Variants in PDE7B observed in about 807,000 individuals in gnomAD.
PDE7B encodes 3',5'-cyclic-AMP phosphodiesterase 7B.
Under a neutral mutation model 56.2 loss-of-function variants are expected in PDE7B, and 29 were observed. That is an observed-to-expected ratio of 0.52 (90% confidence interval 0.38 to 0.70). PDE7B has a LOEUF of 0.70. Among genes scored for constraint, PDE7B ranks in the 30% least tolerant of loss-of-function variants. PDE7B has a pLI of 0.00. For synonymous variants in PDE7B, 197 were observed against 196.9 expected (o/e 1.00, Z 0.00); for missense variants, 490 against 565.0 (o/e 0.87, Z 1.35).
At chr6:135,913,033 G>T (rs544806921) in intron 1 of PDE7B, among the ~76,000 whole-genome samples, 5 of 152,134 alleles carry the variant, frequency 3.3e-5, no homozygotes, top group African/African-American at 4.8e-5. Flanking sequence ...CATGTCTTCT[G>T]ACTCTAAATC....
intron 1 of PDE7B, among the ~76,000 whole-genome samples, chr6:135,871,606 A>G (rs1041104036): frequency 2.0e-5 from 3 of 152,210 alleles, no homozygotes; most frequent in Non-Finnish European, 2.9e-5. Context: ...TTGAATTGAG[A>G]AAAAGAATTC....
chr6:135,988,939 T>C (rs1186278689), intron 2 of PDE7B, among the ~76,000 whole-genome samples: 1 of 152,246 alleles, frequency 6.6e-6, no homozygotes, highest in Non-Finnish European at 1.5e-5. Flanking sequence ...TCGATCTGTC[T>C]GTTAATTATC....
At chr6:135,988,413 C>T (rs1562461566) in intron 2 of PDE7B, among the ~76,000 whole-genome samples, 2 of 152,100 alleles carry the variant, frequency 1.3e-5, no homozygotes, top group Non-Finnish European at 2.9e-5. Flanking sequence ...CTTTCAGAGA[C>T]ATTCTAATGG....
intron 2 of PDE7B, among the ~76,000 whole-genome samples, chr6:136,041,266 C>T (rs1362053190): frequency 6.6e-6 from 1 of 152,080 alleles, no homozygotes; most frequent in African/African-American, 2.4e-5. Flanking sequence ...AAGACTGGAA[C>T]TTTGTTTCTC....
intron 1 of PDE7B, among the ~76,000 whole-genome samples, chr6:135,931,355 T>G (rs1412867759): frequency 6.6e-6 from 1 of 152,196 alleles, no homozygotes; most frequent in African/African-American, 2.4e-5. Context: ...ATGATCTGTT[T>G]GTATAGATGA....
intron 9 of PDE7B, among the ~76,000 whole-genome samples, chr6:136,174,651 A>G (rs1359938118): frequency 6.6e-5 from 10 of 152,140 alleles, no homozygotes; most frequent in African/African-American, 1.9e-4. Context: ...TCTTCAAGAC[A>G]AGCACATAAC....
chr6:136,148,021 T>C (rs1459313027), intron 4 of PDE7B, among the ~76,000 whole-genome samples: 1 of 152,172 alleles, frequency 6.6e-6, no homozygotes, highest in Non-Finnish European at 1.5e-5. Flanking sequence ...TTGATCTGAC[T>C]GAGGGTGGAA....
intron 2 of PDE7B, among the ~76,000 whole-genome samples, chr6:135,965,841 G>A (rs1774988452): frequency 6.6e-6 from 1 of 152,138 alleles, no homozygotes; most frequent in Non-Finnish European, 1.5e-5. Flanking sequence ...CAGAATTGAG[G>A]AGTCCTCATG....
chr6:136,144,002 A>G (rs915501867), intron 3 of PDE7B, among the ~76,000 whole-genome samples: 20 of 151,960 alleles, frequency 1.3e-4, no homozygotes, highest in Non-Finnish European at 2.9e-5. Flanking sequence ...GTATTTTGAG[A>G]TGGGGGAATT....
At chr6:136,042,389 T>C (rs1358213146) in intron 2 of PDE7B, among the ~76,000 whole-genome samples, 1 of 152,250 alleles carries the variant, frequency 6.6e-6, no homozygotes, top group African/African-American at 2.4e-5. Context: ...AATAATTAGA[T>C]TTTGGAATTC....
chr6:136,109,990 G>T (rs1406239076), intron 3 of PDE7B, among the ~76,000 whole-genome samples: 2 of 152,056 alleles, frequency 1.3e-5, no homozygotes, highest in African/African-American at 2.4e-5. Flanking sequence ...TTCAACCCCT[G>T]GAAATTACTA....
rs759825113 is a variant in PDE7B, at chr6:136,106,452, G to GAAGT, written c.83-2278_83-2275dup. ...GTATTGTAGAAAGAGCTCTTCCTATGAAGTCTAACAGCCTAGATTTAAGTG... is the reference window on the plus strand; with the variant it reads ...GTATTGTAGAAAGAGCTCTTCCTATGAAGTAAGTCTAACAGCCTAGATTTAAGTG... On this transcript the variant is annotated intron_variant, in intron 2 of 12. Transcript: ENST00000308191. Among the ~76,000 whole-genome samples the GAAGT allele has an allele frequency of 2.6e-4, 40 of 152,260 alleles. 1 individual carries two copies. Among genetic ancestry groups the GAAGT allele is most frequent in the South Asian group, 2.3e-3 (11 of 4,828 alleles).
intron 2 of PDE7B, chr6:136,037,381 T>A (rs1776340151): frequency 2.0e-6 from 2 of 979,192 alleles, no homozygotes; most frequent in Admixed American, 1.2e-4. Context: ...CAGCTGAGGT[T>A]ATGAAGGGAT....
chr6:136,128,958 G>GCCC (rs1191420498), intron 3 of PDE7B, among the ~76,000 whole-genome samples: 1 of 151,990 alleles, frequency 6.6e-6, no homozygotes, highest in Non-Finnish European at 1.5e-5. Context: ...TGTTCCTTCT[G>GCCC]CCCCCTTCCA....
chr6:136,050,907 C>T (rs758856285), intron 2 of PDE7B, among the ~76,000 whole-genome samples: 4 of 152,172 alleles, frequency 2.6e-5, no homozygotes, highest in Non-Finnish European at 5.9e-5. Context: ...TCCTCCTCCT[C>T]CTCCTCTTCC....
At chr6:135,912,057 T>G (rs1237675661) in intron 1 of PDE7B, among the ~76,000 whole-genome samples, 1 of 152,180 alleles carries the variant, frequency 6.6e-6, no homozygotes, top group Non-Finnish European at 1.5e-5. Context: ...AAGTAAATAG[T>G]GTAAAAGTGC....
chr6:135,927,026 C>T (rs1250710156), intron 1 of PDE7B, among the ~76,000 whole-genome samples: 2 of 152,146 alleles, frequency 1.3e-5, no homozygotes, highest in Admixed American at 6.5e-5. Context: ...CAATAGCAGC[C>T]TATTCATCTA....
At chr6:135,916,429 G>C (rs1402870211) in intron 1 of PDE7B, among the ~76,000 whole-genome samples, 3 of 82,212 alleles carry the variant, frequency 3.6e-5, no homozygotes, top group African/African-American at 1.6e-4. Context: ...GTTTTGCTCT[G>C]TTGCCCAGGT....
intron 2 of PDE7B, among the ~76,000 whole-genome samples, chr6:135,979,411 T>A (rs2128204031): frequency 6.6e-6 from 1 of 151,848 alleles, no homozygotes; most frequent in South Asian, 2.1e-4. Context: ...TAGGGAGGAT[T>A]CCCTCTTTTT....
Sources: allele counts gnomAD v4.1 joint callset (sites outside exome capture counted in the v4.1 genomes callset), GRCh38; gene constraint gnomAD v4.1.1; transcripts MANE v1.5; gene names NCBI Gene and HGNC (gene_info 2026-07-23, HGNC 2026-07-21).